The following TMCC3 variants were observed in gnomAD, a reference collection of about 807,000 sequenced individuals.
TMCC3 encodes transmembrane and coiled-coil domain protein 3.
In TMCC3, 28 loss-of-function variants were observed where a neutral mutation model predicts 40.2. The observed-to-expected ratio is 0.70, with a 90% confidence interval of 0.52 to 0.95. The LOEUF (loss-of-function observed/expected upper bound fraction) is 0.95. Among genes scored for constraint, TMCC3 ranks in the 40% least tolerant of loss-of-function variants. The pLI, the probability that TMCC3 is intolerant of heterozygous loss-of-function variation, is 0.00. For missense variants in TMCC3, 554 were observed against 615.2 expected (o/e 0.90, Z 1.05); for synonymous variants, 255 against 248.5 (o/e 1.03, Z -0.25).
At position 94,633,527 on chromosome 12, in the gene TMCC3, C is replaced by T. The variant is rs1341357111; in HGVS notation, c.78+16826G>A. Among the ~76,000 whole-genome samples the T allele has an allele frequency of 2.6e-5, 4 of 152,292 alleles. No individual in the cohort carries two copies. The East Asian group carries it at 7.7e-4, about 29-fold the overall frequency. On this transcript the variant is annotated intron_variant, in intron 1 of 3. Transcript: ENST00000261226. The stretch of plus-strand genomic sequence containing the variant: ...CACAGAGCCACTTGGTTAATGATTA[C>T]GGTTTTCTCCAGGCACCAAACATTT...
At chr12:94,595,897 C>G (rs981979251) in intron 1 of TMCC3, among the ~76,000 whole-genome samples, 1 of 152,084 alleles carries the variant, frequency 6.6e-6, no homozygotes, top group African/African-American at 2.4e-5. Context: ...TACATTCAAT[C>G]GATATTTTGG....
chr12:94,611,733 T>C (rs528381832), intron 1 of TMCC3, among the ~76,000 whole-genome samples: 2 of 151,408 alleles, frequency 1.3e-5, no homozygotes, highest in African/African-American at 2.4e-5. Context: ...ACAATGTAAA[T>C]GCTTGTAAAT....
intron 1 of TMCC3, chr12:94,590,811 G>C (rs1000258681): frequency 2.1e-6 from 1 of 485,122 alleles, no homozygotes; most frequent in East Asian, 5.1e-5. Context: ...GACGGCGCAG[G>C]GTCTGAAACA....
At chr12:94,613,103 T>C (rs960033054) in intron 1 of TMCC3, among the ~76,000 whole-genome samples, 2 of 148,946 alleles carry the variant, frequency 1.3e-5, no homozygotes, top group Non-Finnish European at 3.0e-5. Flanking sequence ...ATAAAATGGA[T>C]ACACACACAC....
At chr12:94,593,127 G>T (rs912584269) in intron 1 of TMCC3, among the ~76,000 whole-genome samples, 1 of 151,792 alleles carries the variant, frequency 6.6e-6, no homozygotes, top group Non-Finnish European at 1.5e-5. Context: ...CACCTGGGAG[G>T]TGGAGGTTAC....
At chr12:94,598,737 A>G (rs1402157523) in intron 1 of TMCC3, 7 of 985,340 alleles carry the variant, frequency 7.1e-6, no homozygotes, top group South Asian at 4.7e-5. Flanking sequence ...AAAGGCTCCA[A>G]AGATTCGTGT....
chr12:94,606,090 C>T (rs189313568), intron 1 of TMCC3, among the ~76,000 whole-genome samples: 37 of 152,248 alleles, frequency 2.4e-4, no homozygotes, highest in Admixed American at 1.6e-3. Flanking sequence ...CAATGCTAGA[C>T]GCTTTTTTTC....
intron 1 of TMCC3, among the ~76,000 whole-genome samples, chr12:94,593,874 C>T (rs12580832): frequency 0.36 from 54,366 of 151,846 alleles, 9,945 homozygotes; most frequent in Admixed American, 0.44. Context: ...ACTAAATCTA[C>T]GTAAGAATTA....
chr12:94,622,820 T>TAA (rs35944737), intron 1 of TMCC3, among the ~76,000 whole-genome samples: 27 of 144,500 alleles, frequency 1.9e-4, no homozygotes, highest in Non-Finnish European at 2.6e-4. Flanking sequence ...AGCTCTTTCT[T>TAA]AAAAAAAAAA....
At chr12:94,595,557 A>C (rs1343390084) in intron 1 of TMCC3, among the ~76,000 whole-genome samples, 11 of 152,196 alleles carry the variant, frequency 7.2e-5, no homozygotes, top group Admixed American at 7.2e-4. Context: ...TGAGGGTTTC[A>C]TTTATTTTTT....
intron 1 of TMCC3, among the ~76,000 whole-genome samples, chr12:94,630,757 C>G (rs111827990): frequency 0.021 from 3,071 of 149,066 alleles, 107 homozygotes; most frequent in African/African-American, 0.071. Flanking sequence ...GAGGCAAAGT[C>G]TCGCTCTGTC....
At chr12:94,585,487 G>C (rs990819347) in intron 1 of TMCC3, among the ~76,000 whole-genome samples, 3 of 152,002 alleles carry the variant, frequency 2.0e-5, no homozygotes, top group Non-Finnish European at 2.9e-5. Context: ...ATAAGGTCAG[G>C]AGATCGAGAC....
rs764005646 is a variant in TMCC3, at chr12:94,582,288, C to G, written c.329G>C (p.Arg110Pro). ...CTTCTTCTCAAAGACTTGCTTGATA[C>G]GTCCCGCCTGCTGCTTGTCTGCGTT... is the stretch of plus-strand genomic sequence containing the variant. ...VNNADKQQAG[R>P]IKQVFEKKNQ... is the part of the protein sequence containing the mutation. The change falls in exon 2 of 4, where the codon CGT (arginine) becomes CCT (proline). Residue 110 changes from arginine to proline, a missense_variant. Coordinates refer to ENST00000261226, the MANE Select transcript of TMCC3 (RefSeq NM_020698.4). 1.2e-6 allele frequency: 2 copies of G among 1,613,934 alleles called. No homozygotes were observed. The highest frequency in any genetic ancestry group is 1.7e-6 in the Non-Finnish European group (2 of 1,180,020).
At chr12:94,594,673 G>T (rs751574109) in intron 1 of TMCC3, among the ~76,000 whole-genome samples, 1 of 152,164 alleles carries the variant, frequency 6.6e-6, no homozygotes, top group Non-Finnish European at 1.5e-5. Flanking sequence ...GGAAAAACGA[G>T]TCTCTGAGGC....
At chr12:94,644,324 G>A (rs752929487) in intron 1 of TMCC3, 33 of 937,230 alleles carry the variant, frequency 3.5e-5, no homozygotes, top group South Asian at 4.9e-5. Context: ...AAACCACAGG[G>A]CTGAAAGCTG....
chr12:94,586,330 T>C (rs2068638250), intron 1 of TMCC3, among the ~76,000 whole-genome samples: 1 of 152,164 alleles, frequency 6.6e-6, no homozygotes, highest in Non-Finnish European at 1.5e-5. Context: ...GTTAAAGAAA[T>C]AGAACAGAAG....
intron 1 of TMCC3, among the ~76,000 whole-genome samples, chr12:94,610,262 C>A (rs192364952): frequency 1.3e-5 from 2 of 152,168 alleles, no homozygotes; most frequent in East Asian, 1.9e-4. Flanking sequence ...GGAATCGGAA[C>A]CTTCTTTAGC....
intron 1 of TMCC3, chr12:94,610,073 G>C (rs947400678): frequency 1.3e-5 from 2 of 152,048 alleles, no homozygotes; most frequent in African/African-American, 4.8e-5. Flanking sequence ...AAGAGTGTTT[G>C]GAAAGGCACT....
chr12:94,567,933 T>C lies in TMCC3; in HGVS notation c.*3502A>G, dbSNP rs1199375502. The C allele has an allele frequency of 6.6e-6, 1 of 152,222 alleles. No individual in the cohort carries two copies. The highest frequency in any genetic ancestry group is 1.5e-5 in the Non-Finnish European group (1 of 68,036). The allele number at this position is 152,222 out of a possible 1,614,324, so 9.4% of individuals were successfully genotyped here. A position where few individuals can be genotyped will look rare whatever the true frequency, so the allele number is the denominator to read the frequency against. ...TTGCCTGAGGGAAGCTAGTTCCTCA[T>C]TATTACTGAGCCCATAATTAAACCT... On this transcript the variant is annotated 3_prime_UTR_variant, in exon 4 of 4. Transcript: ENST00000261226.
Sources: allele counts gnomAD v4.1 joint callset (sites outside exome capture counted in the v4.1 genomes callset), GRCh38; gene constraint gnomAD v4.1.1; transcripts MANE v1.5; gene names NCBI Gene and HGNC (gene_info 2026-07-23, HGNC 2026-07-21).